The following SLC22A16 variants were observed in gnomAD, a reference collection of about 807,000 sequenced individuals.
SLC22A16 encodes the protein WUGSC:RG331P03.1.
Under a neutral mutation model 52.9 loss-of-function variants are expected in SLC22A16, and 53 were observed. That is an observed-to-expected ratio of 1.00 (90% CI 0.80 to 1.26). The LOEUF (loss-of-function observed/expected upper bound fraction) is 1.26. Among genes scored for constraint, SLC22A16 ranks in the 50% most tolerant of loss-of-function variants. SLC22A16 has a pLI of 0.00. For synonymous variants in SLC22A16, 291 were observed against 268.8 expected, an observed-to-expected ratio of 1.08 and a Z score of -0.81; for missense variants, 726 against 704.0, an observed-to-expected ratio of 1.03 and a Z score of -0.35.
At chr6:110,468,530 C>T (rs991134367) in intron 1 of SLC22A16, among the ~76,000 whole-genome samples, 1 of 151,822 alleles carries the variant, frequency 6.6e-6, no homozygotes. Flanking sequence ...CCTGTAGTCT[C>T]AGCTACTAAG....
intron 4 of SLC22A16, among the ~76,000 whole-genome samples, chr6:110,439,779 T>A (rs1774892009): frequency 6.6e-6 from 1 of 152,202 alleles, no homozygotes; most frequent in Non-Finnish European, 1.5e-5. Context: ...TTAGTTTAAA[T>A]TTGGTTTACA....
chr6:110,440,035 A>G (rs1356908747), intron 4 of SLC22A16: 3 of 152,228 alleles, frequency 2.0e-5, no homozygotes, highest in Non-Finnish European at 4.4e-5. Context: ...ATAAAACATT[A>G]ATATGCACAA....
chr6:110,426,364 T>G (rs1035006604), intron 7 of SLC22A16, among the ~76,000 whole-genome samples: 32 of 152,140 alleles, frequency 2.1e-4, no homozygotes, highest in Non-Finnish European at 3.7e-4. Context: ...AGCTTGGTAG[T>G]AAGCCTAGTC....
chr6:110,474,334 C>T (rs1776383808), intron 1 of SLC22A16, among the ~76,000 whole-genome samples: 1 of 152,206 alleles, frequency 6.6e-6, no homozygotes, highest in Non-Finnish European at 1.5e-5. Context: ...TTAACACTTT[C>T]ACTAGGATCC....
At chr6:110,439,783 G>A (rs753765543) in intron 4 of SLC22A16, among the ~76,000 whole-genome samples, 28 of 152,240 alleles carry the variant, frequency 1.8e-4, no homozygotes, top group Middle Eastern at 6.8e-3. Flanking sequence ...TTTAAATTTG[G>A]TTTACACTAG....
In SLC22A16 at chr6:110,456,945, C is replaced by A; in HGVS notation, c.126G>T (p.Val42=). 1 of 1,607,164 alleles carries A rather than the reference C, an allele frequency of 6.2e-7. No individual in the cohort carries two copies. Among genetic ancestry groups the A allele is most frequent in the Non-Finnish European group, 8.5e-7 (1 of 1,176,790 alleles). The change falls in exon 2 of 8, where the codon GTG becomes GTT. Residue 42 remains valine (V), a synonymous_variant. Coordinates refer to ENST00000368919, the MANE Select transcript of SLC22A16 (RefSeq NM_033125.4). ...ISCGIHYLAS[V]FMGVTPHHVC... ...CATGATGAGGGGTGACTCCCATGAA[C>A]ACAGAAGCCAAGTAGTGAATACCAC...
At position 110,442,788 on chromosome 6, in the gene SLC22A16, T is replaced by C. The variant is rs1209427432; in HGVS notation, c.652-13A>G. 7 of 1,605,762 alleles carry C rather than the reference T, an allele frequency of 4.4e-6. No individual in the cohort carries two copies. The highest frequency in any genetic ancestry group is 1.7e-4 in the Middle Eastern group (1 of 6,008). ...AGCCACTTGCAACCTGAAAAACAAATAATAGGGATTTATATTCAAGGTCAC... is the reference window on the plus strand; with the variant it reads ...AGCCACTTGCAACCTGAAAAACAAACAATAGGGATTTATATTCAAGGTCAC... On this transcript the variant is annotated splice_polypyrimidine_tract_variant and intron_variant, in intron 3 of 7. Transcript: ENST00000368919.
chr6:110,427,603 G>A (rs952724275), intron 7 of SLC22A16, among the ~76,000 whole-genome samples: 1 of 152,082 alleles, frequency 6.6e-6, no homozygotes, highest in African/African-American at 2.4e-5. Context: ...GGGTTCAAGC[G>A]ATTCTCCTGC....
At chr6:110,466,930 TAGA>T (rs1776087057) in intron 1 of SLC22A16, among the ~76,000 whole-genome samples, 2 of 151,398 alleles carry the variant, frequency 1.3e-5, no homozygotes, top group African/African-American at 4.9e-5. Flanking sequence ...GATAGATAGA[TAGA>T]TAGATAGATA....
At chr6:110,430,542 C>T (rs754729659) in intron 7 of SLC22A16, among the ~76,000 whole-genome samples, 9 of 152,072 alleles carry the variant, frequency 5.9e-5, no homozygotes, top group African/African-American at 1.2e-4. Context: ...CCACCCATCC[C>T]GCATCTTCTT....
At chr6:110,431,772 T>A (rs1774516575) in intron 6 of SLC22A16, among the ~76,000 whole-genome samples, 1 of 152,200 alleles carries the variant, frequency 6.6e-6, no homozygotes. Context: ...TACCTACATT[T>A]TGTGAAACAG....
At chr6:110,426,504 G>A (rs1201990783) in intron 7 of SLC22A16, among the ~76,000 whole-genome samples, 2 of 151,774 alleles carry the variant, frequency 1.3e-5, no homozygotes, top group African/African-American at 4.8e-5. Context: ...CCCTCCTCCT[G>A]GAGGGAGGCC....
Position 110,424,944 on chromosome 6 carries a change from G to A in SLC22A16, c.1663C>T (p.Leu555Phe). ...ENESKSSKLL[L>F]TTNNSGLEKT... The stretch of plus-strand genomic sequence containing the variant: ...TCCAGCCCACTATTATTAGTTGTGA[G>A]AAGTAATTTGCTTGACTTGCTTTCA... The change falls in exon 8 of 8, where the codon CTC becomes TTC. Residue 555 changes from leucine (L) to phenylalanine (F), a missense_variant. Leu to Phe is a conservative substitution (Grantham distance 22). Coordinates refer to ENST00000368919, the MANE Select transcript of SLC22A16 (RefSeq NM_033125.4). The A allele has an allele frequency of 1.2e-6, 2 of 1,614,126 alleles. No individual in the cohort carries two copies. Among genetic ancestry groups the A allele is most frequent in the Non-Finnish European group, 1.7e-6 (2 of 1,180,030 alleles).
At chr6:110,468,897 G>C (rs1469464487) in intron 1 of SLC22A16, among the ~76,000 whole-genome samples, 2 of 152,148 alleles carry the variant, frequency 1.3e-5, no homozygotes, top group African/African-American at 4.8e-5. Flanking sequence ...TCACCACAGA[G>C]CCTTGGGGTT....
At chr6:110,473,026 C>T (rs1406258587) in intron 1 of SLC22A16, among the ~76,000 whole-genome samples, 2 of 152,186 alleles carry the variant, frequency 1.3e-5, no homozygotes, top group Admixed American at 1.3e-4. Flanking sequence ...TACTTACCAC[C>T]AGGGACCATG....
At chr6:110,441,610 T>C (rs1039084464) in intron 4 of SLC22A16, among the ~76,000 whole-genome samples, 3 of 152,170 alleles carry the variant, frequency 2.0e-5, no homozygotes. Context: ...AGAATGAAAA[T>C]ATCTGCTTAT....
intron 2 of SLC22A16, among the ~76,000 whole-genome samples, chr6:110,450,534 C>T (rs1410801157): frequency 6.8e-6 from 1 of 147,914 alleles, no homozygotes; most frequent in Admixed American, 6.9e-5. Flanking sequence ...ATCACTTGAA[C>T]CTGGGAGGCA....
intron 2 of SLC22A16, 134 bp from the exon 3 acceptor site, chr6:110,447,124 T>G: frequency 1.4e-6 from 1 of 711,238 alleles, no homozygotes; most frequent in South Asian, 2.0e-5. Context: ...TTTCTTTTAT[T>G]TATTTTGAGC....
chr6:110,439,096 G>A (rs918166423), intron 4 of SLC22A16, among the ~76,000 whole-genome samples: 3 of 152,186 alleles, frequency 2.0e-5, no homozygotes, highest in Admixed American at 2.0e-4. Flanking sequence ...ATGGCACAAA[G>A]CCAGAGCCCA....
Sources: gnomAD v4.1 joint callset for allele counts (sites outside exome capture counted in the v4.1 genomes callset) on GRCh38, gnomAD v4.1.1 for gene constraint, MANE v1.5 for transcripts, NCBI Gene and HGNC (gene_info 2026-07-23, HGNC 2026-07-21) for gene names.